NEGR1: variants seen among roughly 807,000 people sequenced by gnomAD.
NEGR1 encodes the protein IgLON family member 4.
NEGR1 carries 10 observed loss-of-function variants against 40.9 expected under a neutral mutation model. That is an observed-to-expected ratio of 0.24 (90% CI 0.15 to 0.42). NEGR1 has a LOEUF of 0.42. Among genes scored for constraint, NEGR1 ranks in the 10% least tolerant of loss-of-function variants. The pLI, the probability that NEGR1 is intolerant of heterozygous loss-of-function variation, is 1.00. For synonymous variants in NEGR1, 185 were observed against 166.8 expected (o/e 1.11, Z -0.84); for missense variants, 352 against 438.9 (o/e 0.80, Z 1.77).
At chr1:71,866,795 A>G (rs17575322) in intron 2 of NEGR1, among the ~76,000 whole-genome samples, 3,144 of 152,318 alleles carry the variant, frequency 0.021, 52 homozygotes, top group Non-Finnish European at 0.032. Context: ...AAACGTGGTA[A>G]GAAGTGATAG....
At chr1:72,008,653 T>G (rs1042326716) in intron 1 of NEGR1, among the ~76,000 whole-genome samples, 1 of 152,136 alleles carries the variant, frequency 6.6e-6, no homozygotes, top group Non-Finnish European at 1.5e-5. Flanking sequence ...GTAAACTCAC[T>G]GAAAGTTTAG....
At chr1:71,639,051 C>T (rs1184623565) in intron 4 of NEGR1, among the ~76,000 whole-genome samples, 2 of 151,850 alleles carry the variant, frequency 1.3e-5, no homozygotes, top group East Asian at 3.9e-4. Context: ...AATTCATATA[C>T]TCACATGAGA....
intron 1 of NEGR1, among the ~76,000 whole-genome samples, chr1:71,970,343 T>C (rs185523309): frequency 2.6e-5 from 4 of 152,256 alleles, no homozygotes; most frequent in Admixed American, 1.3e-4. Flanking sequence ...GTAATTATAA[T>C]GCATCAGGGG....
chr1:72,257,029 G>T (rs1168103195), intron 1 of NEGR1, among the ~76,000 whole-genome samples: 1 of 152,140 alleles, frequency 6.6e-6, no homozygotes, highest in African/African-American at 2.4e-5. Flanking sequence ...AAACTGTTAA[G>T]AATAGCACAT....
In NEGR1 at chr1:72,248,218, C is replaced by T. The variant is rs994691303; in HGVS notation, c.176+34101G>A. ...ATATCTCAATAAGAGAACTAATTAA[C>T]CAATAGATACTCAGTCTTTGACTTT... On this transcript the variant is annotated intron_variant, in intron 1 of 6. Transcript: ENST00000357731. Among the ~76,000 whole-genome samples, 34 of 152,042 alleles carry T rather than the reference C, an allele frequency of 2.2e-4. 1 individual carries two copies. The highest frequency in any genetic ancestry group is 2.9e-5 in the Non-Finnish European group (2 of 68,014).
chr1:71,920,023 T>C (rs1340924236), intron 2 of NEGR1, among the ~76,000 whole-genome samples: 1 of 152,168 alleles, frequency 6.6e-6, no homozygotes, highest in African/African-American at 2.4e-5. Flanking sequence ...CAGTATTGAA[T>C]GGCTCCAGTC....
intron 1 of NEGR1, among the ~76,000 whole-genome samples, chr1:72,157,211 T>C (rs1317143970): frequency 6.6e-6 from 1 of 152,150 alleles, no homozygotes; most frequent in African/African-American, 2.4e-5. Context: ...CCTCAAGTGA[T>C]CCTCCTGCTT....
intron 1 of NEGR1, among the ~76,000 whole-genome samples, chr1:72,226,445 C>A (rs553829262): frequency 6.6e-6 from 1 of 151,990 alleles, no homozygotes; most frequent in Admixed American, 6.6e-5. Context: ...ATCAGTGTCA[C>A]AGGGTATTGA....
chr1:71,938,641 A>T (rs1645932184), intron 1 of NEGR1, among the ~76,000 whole-genome samples: 1 of 151,990 alleles, frequency 6.6e-6, no homozygotes. Flanking sequence ...GCATGATAGC[A>T]ATTTATTTTT....
At chr1:72,247,327 G>T (rs1363985675) in intron 1 of NEGR1, among the ~76,000 whole-genome samples, 2 of 152,072 alleles carry the variant, frequency 1.3e-5, no homozygotes, top group African/African-American at 4.8e-5. Context: ...TTTTCCAAAC[G>T]TTTATGCTTT....
chr1:72,080,096 A>G (rs1010826711), intron 1 of NEGR1, among the ~76,000 whole-genome samples: 4 of 152,100 alleles, frequency 2.6e-5, no homozygotes, highest in Non-Finnish European at 5.9e-5. Flanking sequence ...ACAATGTGCA[A>G]TCCCCATGAT....
intron 6 of NEGR1, chr1:71,409,004 G>A (rs896632691): frequency 6.6e-6 from 1 of 152,014 alleles, no homozygotes. Context: ...TGCAATTATT[G>A]ATTCCAGGTG....
chr1:71,895,015 G>A (rs914057249), intron 2 of NEGR1, among the ~76,000 whole-genome samples: 1 of 151,984 alleles, frequency 6.6e-6, no homozygotes, highest in Non-Finnish European at 1.5e-5. Flanking sequence ...ATATCTATAA[G>A]CAGTCTGTAG....
intron 6 of NEGR1, among the ~76,000 whole-genome samples, chr1:71,503,624 G>A (rs1463383838): frequency 6.6e-6 from 1 of 152,108 alleles, no homozygotes; most frequent in Non-Finnish European, 1.5e-5. Flanking sequence ...TTGCCCCTTA[G>A]GGAAGTTCCC....
intron 6 of NEGR1, among the ~76,000 whole-genome samples, chr1:71,551,246 C>A (rs1265456907): frequency 6.6e-6 from 1 of 151,498 alleles, no homozygotes; most frequent in Admixed American, 6.6e-5. Flanking sequence ...AAAGAAAAAT[C>A]AAACATACTT....
At chr1:71,460,722 T>A (rs1646708638) in intron 6 of NEGR1, among the ~76,000 whole-genome samples, 1 of 151,976 alleles carries the variant, frequency 6.6e-6, no homozygotes, top group African/African-American at 2.4e-5. Flanking sequence ...GCAGGGAAAA[T>A]TTTGAAGTTA....
intron 6 of NEGR1, among the ~76,000 whole-genome samples, chr1:71,416,606 A>G (rs1225791241): frequency 6.6e-6 from 1 of 152,208 alleles, no homozygotes; most frequent in Non-Finnish European, 1.5e-5. Context: ...TTCTCTAATC[A>G]TTACCATTAT....
intron 2 of NEGR1, among the ~76,000 whole-genome samples, chr1:71,801,164 A>C (rs958649534): frequency 5.3e-5 from 8 of 152,146 alleles, no homozygotes; most frequent in African/African-American, 1.9e-4. Context: ...TTTTCTGGAC[A>C]TCACACTCTC....
chr1:72,179,012 G>T (rs895813376), intron 1 of NEGR1, among the ~76,000 whole-genome samples: 4 of 151,784 alleles, frequency 2.6e-5, no homozygotes, highest in African/African-American at 9.7e-5. Flanking sequence ...TGTTTTCTCT[G>T]TTGACACTTC....
Sources: gnomAD v4.1 joint callset for allele counts (sites outside exome capture counted in the v4.1 genomes callset) on GRCh38, gnomAD v4.1.1 for gene constraint, MANE v1.5 for transcripts, NCBI Gene and HGNC (gene_info 2026-07-23, HGNC 2026-07-21) for gene names.